Variants in FAM53B observed in about 807,000 individuals in gnomAD.
FAM53B encodes the protein protein FAM53B.
Under a neutral mutation model 32.7 loss-of-function variants are expected in FAM53B, and 12 were observed. The ratio of observed to expected loss-of-function variants is 0.37; its 90% confidence interval spans 0.24 to 0.59. The LOEUF (loss-of-function observed/expected upper bound fraction) is 0.59. Among genes scored for constraint, FAM53B ranks in the 20% least tolerant of loss-of-function variants. The probability of loss-of-function intolerance (pLI) is 0.72; values close to 1 mark genes in which losing one functional copy is unlikely to be tolerated. For synonymous variants in FAM53B, 234 were observed against 228.7 expected, an observed-to-expected ratio of 1.02 and a Z score of -0.21; for missense variants, 477 against 577.7, an observed-to-expected ratio of 0.83 and a Z score of 1.79.
At position 124,620,449 on chromosome 10, in the gene FAM53B, T is replaced by C. The variant is rs1262123345; in HGVS notation, c.*2793A>G. ...GCCTGGCACGGCTTGCTTCTGGCTCTGCCCTTCCTCAGTCTCCCCTCAGAG... is the reference window on the plus strand; with the variant it reads ...GCCTGGCACGGCTTGCTTCTGGCTCCGCCCTTCCTCAGTCTCCCCTCAGAG... On this transcript the variant is annotated 3_prime_UTR_variant, in exon 5 of 5. Coordinates refer to ENST00000337318, the MANE Select transcript of FAM53B (RefSeq NM_014661.4). The C allele has an allele frequency of 2.0e-5, 3 of 151,332 alleles. No homozygotes were observed. The highest frequency in any genetic ancestry group is 4.9e-5 in the African/African-American group (2 of 41,066). 9.4% of individuals were successfully genotyped at this position (151,332 alleles called of 1,614,324 possible). A position where few individuals can be genotyped will look rare whatever the true frequency, so the allele number is the denominator to read the frequency against.
At chr10:124,730,135 T>C (rs891356354) in intron 1 of FAM53B, among the ~76,000 whole-genome samples, 4 of 152,244 alleles carry the variant, frequency 2.6e-5, no homozygotes, top group Non-Finnish European at 4.4e-5. Context: ...TAGTTCTTTA[T>C]CTGATGCCCA....
chr10:124,633,192 A>G (rs1949402595), intron 4 of FAM53B, among the ~76,000 whole-genome samples: 1 of 151,930 alleles, frequency 6.6e-6, no homozygotes, highest in Non-Finnish European at 1.5e-5. Context: ...CACGCCAGCA[A>G]CACAAAAGAT....
At chr10:124,672,089 A>G (rs1477959090) in intron 4 of FAM53B, among the ~76,000 whole-genome samples, 3 of 152,242 alleles carry the variant, frequency 2.0e-5, no homozygotes, top group Admixed American at 1.3e-4. Flanking sequence ...CTACTGATGC[A>G]GTGCCTGGGG....
intron 1 of FAM53B, among the ~76,000 whole-genome samples, chr10:124,720,258 A>AAAT (rs1950061405): frequency 6.6e-6 from 1 of 151,986 alleles, no homozygotes; most frequent in South Asian, 2.1e-4. Context: ...TCAGACTTAA[A>AAAT]AATAATAATA....
intron 1 of FAM53B, among the ~76,000 whole-genome samples, chr10:124,732,793 G>C (rs892254292): frequency 6.6e-6 from 1 of 151,030 alleles, no homozygotes; most frequent in Non-Finnish European, 1.5e-5. Flanking sequence ...CGCCACTGCT[G>C]CACTCCAGCC....
chr10:124,646,829 T>C (rs947559244), intron 4 of FAM53B, among the ~76,000 whole-genome samples: 11 of 152,342 alleles, frequency 7.2e-5, no homozygotes, highest in African/African-American at 2.6e-4. Context: ...GGAAAACTAC[T>C]GGCATCTCTT....
chr10:124,623,655 C>T, intron 4 of FAM53B, 51 bp from the exon 5 acceptor site: 3 of 1,547,182 alleles, frequency 1.9e-6, no homozygotes, highest in Non-Finnish European at 2.6e-6. Context: ...CCTCCCGCAG[C>T]CCCAGGACTG....
At position 124,662,985 on chromosome 10, in the gene FAM53B, G is replaced by A. The variant is rs571041654; in HGVS notation, c.906+18622C>T. On this transcript the variant is annotated intron_variant, in intron 4 of 4. Transcript: ENST00000337318. Reference sequence around the variant, plus strand: ...CCACCTGTCTACAAGCCTAGACCAGGTGAAACAGGGTCTCACACAGAGCAG... The same window carrying A: ...CCACCTGTCTACAAGCCTAGACCAGATGAAACAGGGTCTCACACAGAGCAG... Among the ~76,000 whole-genome samples the A allele has an allele frequency of 1.8e-4, 27 of 152,336 alleles. 1 individual carries two copies. The highest frequency in any genetic ancestry group is 6.5e-4 in the African/African-American group (27 of 41,578).
intron 1 of FAM53B, among the ~76,000 whole-genome samples, chr10:124,714,710 G>T (rs1001398422): frequency 1.5e-5 from 2 of 136,746 alleles, no homozygotes; most frequent in African/African-American, 5.5e-5. Flanking sequence ...AGTGAGCCAA[G>T]ATCGTGCCAC....
At chr10:124,675,110 C>G (rs1008932568) in intron 4 of FAM53B, among the ~76,000 whole-genome samples, 1 of 152,192 alleles carries the variant, frequency 6.6e-6, no homozygotes, top group African/African-American at 2.4e-5. Flanking sequence ...AACACTCGGC[C>G]CCGATCCCAG....
intron 4 of FAM53B, among the ~76,000 whole-genome samples, chr10:124,665,015 G>C (rs760272569): frequency 2.0e-5 from 3 of 152,218 alleles, no homozygotes; most frequent in Non-Finnish European, 2.9e-5. Context: ...GTAAGGTAGA[G>C]GGAGAACCCA....
intron 4 of FAM53B, among the ~76,000 whole-genome samples, chr10:124,664,383 C>T (rs1949654955): frequency 6.6e-6 from 1 of 152,246 alleles, no homozygotes; most frequent in Admixed American, 6.5e-5. Flanking sequence ...GTGGCTGGTG[C>T]ACCCTGGCAT....
At chr10:124,623,747 G>A in intron 4 of FAM53B, 143 bp from the exon 5 acceptor site, 1 of 885,574 alleles carries the variant, frequency 1.1e-6, no homozygotes, top group South Asian at 1.8e-5. Context: ...GCAAGGACGG[G>A]CCCATGAGCA....
chr10:124,741,566 G>A (rs911626523), intron 1 of FAM53B, among the ~76,000 whole-genome samples: 2 of 152,194 alleles, frequency 1.3e-5, no homozygotes, highest in Non-Finnish European at 2.9e-5. Flanking sequence ...TCAATCAAGG[G>A]TCAGGCGCCT....
Position 124,651,224 on chromosome 10 carries a change from G to A in FAM53B, c.907-27620C>T, listed in dbSNP as rs1006767101. Among the ~76,000 whole-genome samples the A allele has an allele frequency of 2.6e-5, 4 of 152,238 alleles. No individual in the cohort carries two copies. The highest frequency in any genetic ancestry group is 5.9e-5 in the Non-Finnish European group (4 of 68,044). ...GGTGGCCACCACCTTGCCCTCAGAC[G>A]CTCTGTTGTGGCCTTGCTGCTAGCC... On this transcript the variant is annotated intron_variant, in intron 4 of 4. Transcript: ENST00000337318. The surrounding 1 kb of genome is among the most constrained non-coding windows in gnomAD (Gnocchi z 5.2).
At chr10:124,732,687 C>T (rs1387022145) in intron 1 of FAM53B, among the ~76,000 whole-genome samples, 3 of 152,072 alleles carry the variant, frequency 2.0e-5, no homozygotes, top group African/African-American at 2.4e-5. Context: ...GGTGAAACCC[C>T]GTCTCTACTA....
chr10:124,640,535 C>G (rs1201889301), intron 4 of FAM53B, among the ~76,000 whole-genome samples: 1 of 152,238 alleles, frequency 6.6e-6, no homozygotes, highest in Non-Finnish European at 1.5e-5. Flanking sequence ...AGTCCGTCAT[C>G]CCCTAGAATC....
chr10:124,648,451 C>T (rs1949534413), intron 4 of FAM53B, among the ~76,000 whole-genome samples: 1 of 152,248 alleles, frequency 6.6e-6, no homozygotes, highest in South Asian at 2.1e-4. Context: ...CCTGCCATAA[C>T]ATCATCACAC....
At chr10:124,652,619 T>C (rs914846627) in intron 4 of FAM53B, among the ~76,000 whole-genome samples, 3 of 152,196 alleles carry the variant, frequency 2.0e-5, no homozygotes, top group South Asian at 4.1e-4. Flanking sequence ...GGTGCTCACA[T>C]TCCAGGGCTA....
Sources: allele counts gnomAD v4.1 joint callset (sites outside exome capture counted in the v4.1 genomes callset), GRCh38; gene constraint gnomAD v4.1.1; non-coding constraint Gnocchi (gnomAD v3.1); transcripts MANE v1.5; gene names NCBI Gene and HGNC (gene_info 2026-07-23, HGNC 2026-07-21).